SYT16: variants seen among roughly 807,000 people sequenced by gnomAD.
The protein encoded by SYT16 is synaptotagmin-16.
Under a neutral mutation model 61.4 loss-of-function variants are expected in SYT16, and 42 were observed. That is an observed-to-expected ratio of 0.68 (90% CI 0.53 to 0.89). SYT16 has a LOEUF of 0.89. SYT16 is among the 40% of genes least tolerant of loss of function. The pLI, the probability that SYT16 is intolerant of heterozygous loss-of-function variation, is 0.00. For synonymous variants in SYT16, 314 were observed against 302.3 expected (o/e 1.04, Z -0.40); for missense variants, 804 against 807.3 (o/e 1.00, Z 0.05).
At chr14:61,874,400 C>T (rs541892141) in intron 1 of SYT16, among the ~76,000 whole-genome samples, 1 of 152,200 alleles carries the variant, frequency 6.6e-6, no homozygotes, top group Non-Finnish European at 1.5e-5. Flanking sequence ...TCCACAGGGC[C>T]TACTGCAGGA....
upstream of SYT16, chr14:61,812,395 C>G (rs1396422258): frequency 6.6e-6 from 1 of 151,586 alleles, no homozygotes; most frequent in Non-Finnish European, 1.5e-5. Flanking sequence ...ATAGCGGGAA[C>G]GTTGTAGGAA....
intron 2 of SYT16, among the ~76,000 whole-genome samples, chr14:61,977,111 C>T (rs937569268): frequency 9.9e-5 from 15 of 152,162 alleles, no homozygotes; most frequent in African/African-American, 3.6e-4. Context: ...TCAGCCTGGA[C>T]TTCGTTGTCC....
intron 2 of SYT16, among the ~76,000 whole-genome samples, chr14:61,994,825 A>G (rs368498904): frequency 6.6e-6 from 1 of 152,202 alleles, no homozygotes; most frequent in South Asian, 2.1e-4. Context: ...GAATAAGTCA[A>G]TGCATCCATG....
intron 3 of SYT16, among the ~76,000 whole-genome samples, chr14:62,038,322 A>G (rs954749624): frequency 6.6e-6 from 1 of 151,348 alleles, no homozygotes; most frequent in African/African-American, 2.4e-5. Context: ...TCAGAATCCA[A>G]TTCATATACC....
At chr14:62,021,080 A>G (rs2053890612) in intron 3 of SYT16, among the ~76,000 whole-genome samples, 1 of 152,110 alleles carries the variant, frequency 6.6e-6, no homozygotes. Flanking sequence ...GTATTATAAT[A>G]ATTATTAAGG....
intron 7 of SYT16, among the ~76,000 whole-genome samples, chr14:62,086,288 G>A (rs924295947): frequency 6.6e-6 from 1 of 152,114 alleles, no homozygotes; most frequent in Admixed American, 6.5e-5. Flanking sequence ...AGACCAGCCT[G>A]GCCAACATGG....
chr14:61,908,577 C>A (rs968398014), intron 1 of SYT16, among the ~76,000 whole-genome samples: 3 of 152,042 alleles, frequency 2.0e-5, no homozygotes, highest in African/African-American at 4.8e-5. Flanking sequence ...GTTTTGTTTC[C>A]TAATTTTTCT....
At chr14:62,069,163 G>C (rs186933816) in intron 3 of SYT16, among the ~76,000 whole-genome samples, 2 of 152,342 alleles carry the variant, frequency 1.3e-5, no homozygotes, top group East Asian at 3.9e-4. Context: ...CTTCTCCGAA[G>C]TGGGGATTGG....
At chr14:62,006,374 T>G (rs947013342) in intron 3 of SYT16, among the ~76,000 whole-genome samples, 1 of 152,168 alleles carries the variant, frequency 6.6e-6, no homozygotes, top group African/African-American at 2.4e-5. Flanking sequence ...GTGATTTATG[T>G]GCACGTCTTA....
At chr14:61,878,622 C>T (rs753307294) in intron 1 of SYT16, among the ~76,000 whole-genome samples, 21 of 152,216 alleles carry the variant, frequency 1.4e-4, no homozygotes, top group Admixed American at 2.0e-4. Flanking sequence ...GACATTTCCA[C>T]CATTCATACC....
At chr14:62,018,295 CTTCTTTTTTTT>C (rs1406747672) in intron 3 of SYT16, among the ~76,000 whole-genome samples, 30 of 50,462 alleles carry the variant, frequency 5.9e-4, no homozygotes, top group African/African-American at 2.2e-3. Flanking sequence ...TCTTCTTCTT[CTTCTTTTTTTT>C]TTTTTTTTTT....
Position 61,859,049 on chromosome 14 carries a change from C to T in SYT16, c.-325+46239C>T, listed in dbSNP as rs374028147. Among the ~76,000 whole-genome samples, 242 of 151,430 alleles carry T rather than the reference C, an allele frequency of 1.6e-3. 1 individual carries two copies. Among genetic ancestry groups the T allele is most frequent in the Middle Eastern group, 0.01 (3 of 294 alleles). The stretch of plus-strand genomic sequence containing the variant: ...TTTTTTTTTGTATTTTTAGTAGAGA[C>T]GGGGTTTCACCATGTTAGCCAGGAT... On this transcript the variant is annotated intron_variant, in intron 1 of 7. Coordinates refer to ENST00000683842, the MANE Select transcript of SYT16 (RefSeq NM_001367656.1).
At chr14:62,049,878 G>A (rs1336232182) in intron 3 of SYT16, among the ~76,000 whole-genome samples, 3 of 152,188 alleles carry the variant, frequency 2.0e-5, no homozygotes, top group South Asian at 2.1e-4. Flanking sequence ...TGGGTAACCC[G>A]ACCTTTCTCT....
chr14:61,911,532 A>G (rs1384061611), intron 1 of SYT16, among the ~76,000 whole-genome samples: 1 of 152,240 alleles, frequency 6.6e-6, no homozygotes, highest in East Asian at 1.9e-4. Context: ...GATTTGCATC[A>G]TTGAAATGAA....
chr14:61,993,170 A>G (rs562268149), intron 2 of SYT16, among the ~76,000 whole-genome samples: 8 of 152,030 alleles, frequency 5.3e-5, no homozygotes, highest in Non-Finnish European at 1.0e-4. Flanking sequence ...AAAGTTTTCT[A>G]CCAAACATCA....
intron 3 of SYT16, among the ~76,000 whole-genome samples, chr14:62,053,146 C>T (rs563199354): frequency 6.6e-6 from 1 of 152,298 alleles, no homozygotes; most frequent in South Asian, 2.1e-4. Flanking sequence ...AGAAAACTCC[C>T]ATCTTCTAAG....
At chr14:62,051,053 T>C (rs2055262007) in intron 3 of SYT16, among the ~76,000 whole-genome samples, 1 of 152,266 alleles carries the variant, frequency 6.6e-6, no homozygotes, top group Non-Finnish European at 1.5e-5. Context: ...TGTTTGGCTA[T>C]GCCTTGCCCC....
chr14:62,055,266 A>T (rs948582617), intron 3 of SYT16, among the ~76,000 whole-genome samples: 2 of 152,220 alleles, frequency 1.3e-5, no homozygotes, highest in Admixed American at 1.3e-4. Flanking sequence ...CTATCAAGCA[A>T]TTCCCTTATA....
chr14:61,929,330 G>A (rs890091558), intron 1 of SYT16, among the ~76,000 whole-genome samples: 1 of 152,182 alleles, frequency 6.6e-6, no homozygotes, highest in African/African-American at 2.4e-5. Flanking sequence ...AATTCTAGGT[G>A]TTTATAAAGT....
Sources: gnomAD v4.1 joint callset for allele counts (sites outside exome capture counted in the v4.1 genomes callset) on GRCh38, gnomAD v4.1.1 for gene constraint, MANE v1.5 for transcripts, NCBI Gene and HGNC (gene_info 2026-07-23, HGNC 2026-07-21) for gene names.